Variants in HELZ observed in about 807,000 individuals in gnomAD.
The protein encoded by HELZ is ATP-dependent RNA helicase with zinc finger domain.
Under a neutral mutation model 218.2 loss-of-function variants are expected in HELZ, and 23 were observed. The observed-to-expected ratio is 0.11, with a 90% CI of 0.08 to 0.15. The LOEUF (loss-of-function observed/expected upper bound fraction) is 0.15, where lower values mean the gene tolerates loss of function less well. Ranked by LOEUF, HELZ falls within the 10% of genes least tolerant of loss-of-function variation. The pLI is 1.00. For synonymous variants in HELZ, 814 were observed against 829.4 expected, an observed-to-expected ratio of 0.98 and a Z score of 0.32; for missense variants, 1,813 against 2,353.7, an observed-to-expected ratio of 0.77 and a Z score of 4.75.
At chr17:67,086,251 T>C (rs1161035389) in intron 32 of HELZ, among the ~76,000 whole-genome samples, 1 of 152,112 alleles carries the variant, frequency 6.6e-6, no homozygotes, top group Non-Finnish European at 1.5e-5. Flanking sequence ...GTCAAAATGA[T>C]CAGTTTCCAA....
intron 27 of HELZ, among the ~76,000 whole-genome samples, chr17:67,114,886 A>G (rs2037383575): frequency 6.6e-6 from 1 of 152,176 alleles, no homozygotes; most frequent in Admixed American, 6.5e-5. Flanking sequence ...AAAGTAATAG[A>G]TATCAAACCG....
chr17:67,195,841 TTTTTTTTTTTC>T (rs1283508816), intron 7 of HELZ, among the ~76,000 whole-genome samples: 46 of 146,942 alleles, frequency 3.1e-4, no homozygotes, highest in Admixed American at 6.0e-4. Flanking sequence ...TCTTTTCCTT[TTTTTTTTTTTC>T]TTTTTTTTTT....
intron 17 of HELZ, among the ~76,000 whole-genome samples, chr17:67,155,070 G>A (rs182884771): frequency 6.6e-6 from 1 of 152,322 alleles, no homozygotes; most frequent in East Asian, 1.9e-4. Flanking sequence ...TTTCAGATAT[G>A]CAAGAGCTAA....
intron 3 of HELZ, among the ~76,000 whole-genome samples, chr17:67,229,870 A>T (rs1477697352): frequency 6.6e-6 from 1 of 152,226 alleles, no homozygotes; most frequent in Non-Finnish European, 1.5e-5. Flanking sequence ...AGTATGCAAG[A>T]AGCATTAGAA....
intron 19 of HELZ, among the ~76,000 whole-genome samples, chr17:67,149,309 C>A (rs940968408): frequency 1.3e-5 from 2 of 152,176 alleles, no homozygotes; most frequent in African/African-American, 2.4e-5. Flanking sequence ...TAGGTCCAAT[C>A]TTAACTGCAG....
chr17:67,202,859 C>CGAG (rs1228391944), intron 6 of HELZ, among the ~76,000 whole-genome samples: 1 of 152,168 alleles, frequency 6.6e-6, no homozygotes, highest in Non-Finnish European at 1.5e-5. Flanking sequence ...AGCAGGGGCT[C>CGAG]ACACCTATAA....
intron 5 of HELZ, among the ~76,000 whole-genome samples, chr17:67,211,303 T>C (rs1004231093): frequency 4.6e-5 from 7 of 152,050 alleles, no homozygotes; most frequent in Admixed American, 1.3e-4. Flanking sequence ...TTTAGATAGG[T>C]TAGGGAATTA....
intron 21 of HELZ, among the ~76,000 whole-genome samples, chr17:67,144,632 C>A (rs1175574137): frequency 6.6e-6 from 1 of 151,910 alleles, no homozygotes; most frequent in Non-Finnish European, 1.5e-5. Flanking sequence ...CTCTGGCAAA[C>A]ATCAATCCCG....
intron 12 of HELZ, 62 bp from the exon 13 acceptor site, chr17:67,178,988 T>A: frequency 1.9e-6 from 2 of 1,072,404 alleles, no homozygotes; most frequent in Non-Finnish European, 2.7e-6. Context: ...TAAATAACAT[T>A]AAAATTCTTA....
rs146702284 is a variant in HELZ at position 67,099,477 on chromosome 17, C to T, written c.5241+7692G>A. Among the ~76,000 whole-genome samples the T allele has an allele frequency of 1.2e-4, 18 of 152,262 alleles. No individual in the cohort carries two copies. The East Asian group carries it at 3.3e-3, about 28-fold the overall frequency. ...GTTTTACTGTGAGATTATGGTACTA[C>T]ACATATAATCACGATTTTCAAATTC... On this transcript the variant is annotated intron_variant, in intron 31 of 32. Coordinates refer to ENST00000358691, the MANE Select transcript of HELZ (RefSeq NM_014877.4).
chr17:67,242,009 G>A (rs2041325342), intron 2 of HELZ, among the ~76,000 whole-genome samples: 1 of 152,196 alleles, frequency 6.6e-6, no homozygotes, highest in Admixed American at 6.5e-5. Flanking sequence ...AACAACACTA[G>A]CCACACAAGA....
chr17:67,159,445 T>C (rs1291352568), intron 17 of HELZ, among the ~76,000 whole-genome samples: 1 of 152,096 alleles, frequency 6.6e-6, no homozygotes, highest in Admixed American at 6.6e-5. Flanking sequence ...TGAGCTCAAG[T>C]AGAAATAAAA....
intron 12 of HELZ, among the ~76,000 whole-genome samples, chr17:67,184,049 C>A (rs2039684619): frequency 6.6e-6 from 1 of 151,502 alleles, no homozygotes; most frequent in African/African-American, 2.4e-5. Flanking sequence ...TATTTTCCTC[C>A]AATTCAAATT....
chr17:67,106,433 G>A (rs1002092361), intron 31 of HELZ, among the ~76,000 whole-genome samples: 34 of 151,296 alleles, frequency 2.2e-4, no homozygotes, highest in Non-Finnish European at 3.4e-4. Flanking sequence ...TCAGCCTCCC[G>A]AGTAGCTGGG....
At chr17:67,115,082 C>T (rs1038337527) in intron 27 of HELZ, among the ~76,000 whole-genome samples, 1 of 152,028 alleles carries the variant, frequency 6.6e-6, no homozygotes, top group Non-Finnish European at 1.5e-5. Flanking sequence ...TTTGGAATTC[C>T]ACTGGAACTT....
intron 18 of HELZ, 63 bp downstream of exon 18, chr17:67,150,983 A>T: frequency 6.9e-7 from 1 of 1,451,642 alleles, no homozygotes; most frequent in Non-Finnish European, 9.5e-7. Context: ...TAGTTTGCCA[A>T]TCCCAGTCTA....
chr17:67,176,898 T>G (rs1015428377), intron 13 of HELZ, among the ~76,000 whole-genome samples: 3 of 152,030 alleles, frequency 2.0e-5, no homozygotes, highest in Non-Finnish European at 4.4e-5. Context: ...CCATCAGTGC[T>G]AATATTTTTA....
chr17:67,138,243 ACCCC>A, intron 21 of HELZ, 129 bp from the exon 22 acceptor site: 18 of 600,588 alleles, frequency 3.0e-5, no homozygotes, highest in Non-Finnish European at 4.6e-5. Context: ...AAAAAAAACT[ACCCC>A]TAAATGGGAG....
At chr17:67,097,108 G>T (rs564191562) in intron 31 of HELZ, among the ~76,000 whole-genome samples, 1 of 152,282 alleles carries the variant, frequency 6.6e-6, no homozygotes, top group Admixed American at 6.5e-5. Flanking sequence ...GAGACCCAAG[G>T]AGACTAAGTG....
Sources: gnomAD v4.1 joint callset for allele counts (sites outside exome capture counted in the v4.1 genomes callset) on GRCh38, gnomAD v4.1.1 for gene constraint, MANE v1.5 for transcripts, NCBI Gene and HGNC (gene_info 2026-07-23, HGNC 2026-07-21) for gene names.